Variants in NUP214 observed in about 807,000 individuals in gnomAD.
The protein encoded by NUP214 is nucleoporin 214.
In NUP214, 79 loss-of-function variants were observed where a neutral mutation model predicts 196.2. That is an observed-to-expected ratio of 0.40 (90% confidence interval 0.34 to 0.49). The LOEUF is 0.49. Ranked by LOEUF, NUP214 falls within the 20% of genes least tolerant of loss-of-function variation. NUP214 has a pLI of 0.58. For synonymous variants in NUP214, 1,020 were observed against 990.5 expected (o/e 1.03, Z -0.56); for missense variants, 2,468 against 2,539.0 (o/e 0.97, Z 0.60).
chr9:131,139,151 T>G, intron 9 of NUP214, 130 bp from the exon 10 acceptor site: 2 of 1,097,606 alleles, frequency 1.8e-6, no homozygotes, highest in Non-Finnish European at 2.4e-6. Flanking sequence ...AACACCTGAG[T>G]CTAAACCAAG....
Position 131,198,201 on chromosome 9 carries a change from A to G in NUP214, c.4707A>G (p.Pro1569=), listed in dbSNP as rs1395028079. The G allele has an allele frequency of 1.9e-6, 3 of 1,614,120 alleles. No individual in the cohort carries two copies. In the African/African-American group the frequency reaches 4.0e-5, roughly 22 times the overall value. ...TAGCACTTTCTGCAGAGGCTACCCCAGCCACCACGGGGGTCCCTGATGCCA... is the reference window on the plus strand; with the variant it reads ...TAGCACTTTCTGCAGAGGCTACCCCGGCCACCACGGGGGTCCCTGATGCCA... ...SLVALSAEAT[P]ATTGVPDART... is the part of the protein sequence containing the mutation. Residue 1569 remains proline (P), a synonymous_variant, in exon 29 of 36, where the codon CCA becomes CCG. Coordinates refer to ENST00000359428, the MANE Select transcript of NUP214 (RefSeq NM_005085.4).
In NUP214 at chr9:131,163,915, C is replaced by G; in HGVS notation, c.2769C>G (p.Thr923=). The G allele has an allele frequency of 6.2e-7, 1 of 1,614,128 alleles. No homozygotes were observed. The change falls in exon 20 of 36, where the codon ACC becomes ACG. Residue 923 remains threonine (T), a synonymous_variant. Transcript: ENST00000359428. The part of the protein sequence containing the change: ...LESLCNALLK[T]TIESHTKSLP... ...GCCTGTGCAATGCTTTGTTGAAAAC[C>G]ACCATAGAATCTCACACCAAATCCT...
chr9:131,217,161 A>G (rs1224249704), intron 31 of NUP214, among the ~76,000 whole-genome samples: 1 of 152,224 alleles, frequency 6.6e-6, no homozygotes, highest in Non-Finnish European at 1.5e-5. Flanking sequence ...CAGCCTGGGC[A>G]ACACAGCAAG....
intron 21 of NUP214, among the ~76,000 whole-genome samples, chr9:131,168,471 T>G (rs1400311787): frequency 2.6e-5 from 4 of 152,326 alleles, no homozygotes; most frequent in African/African-American, 2.4e-5. Context: ...TCTAGAACAT[T>G]TCCATCACTT....
chr9:131,195,212 T>G (rs767895455), intron 27 of NUP214, 21 bp from the exon 28 acceptor site: 1 of 1,586,414 alleles, frequency 6.3e-7, no homozygotes, highest in African/African-American at 1.4e-5. Context: ...CCTTTTTAAT[T>G]TCTCTTTTTC....
intron 30 of NUP214, 46 bp from the exon 31 acceptor site, chr9:131,215,166 G>A (rs765945260): frequency 1.7e-5 from 24 of 1,420,714 alleles, no homozygotes; most frequent in South Asian, 1.7e-5. Flanking sequence ...GCCATTTCAC[G>A]ATGACCTCTC....
At chr9:131,229,431 G>T in intron 33 of NUP214, 1 of 293,574 alleles carries the variant, frequency 3.4e-6, no homozygotes, top group South Asian at 2.8e-5. Flanking sequence ...GTTCTCTGCA[G>T]TGATGAACCA....
At position 131,174,286 on chromosome 9, in the gene NUP214, A is replaced by T; in HGVS notation, c.3125A>T (p.His1042Leu). 1 of 1,613,762 alleles carries T rather than the reference A, an allele frequency of 6.2e-7. No homozygotes were observed. The highest frequency in any genetic ancestry group is 8.5e-7 in the Non-Finnish European group (1 of 1,179,948). The change falls in exon 22 of 36, where the codon CAT becomes CTT. Residue 1042 changes from histidine to leucine, a missense_variant. By Grantham distance (99) the His-to-Leu change is moderately conservative. Around this residue, in one of 5 missense-constraint regions of NUP214, gnomAD observed 1,801 missense variants for 1,779.4 expected, o/e 1.01. Transcript: ENST00000359428. ...CCTTTTGCTAAATCTCACCTGGTTCATGGTTCTTCACCTGGTGTGATGGGA... is the reference window on the plus strand; with the variant it reads ...CCTTTTGCTAAATCTCACCTGGTTCTTGGTTCTTCACCTGGTGTGATGGGA... ...AAPFAKSHLVHGSSPGVMGTS... is the reference protein window; with the variant it reads ...AAPFAKSHLVLGSSPGVMGTS...
chr9:131,196,324 A>G (rs1269198426), intron 28 of NUP214, among the ~76,000 whole-genome samples: 3 of 151,474 alleles, frequency 2.0e-5, no homozygotes, highest in Non-Finnish European at 4.4e-5. Context: ...ACATCCAGCT[A>G]ATTTTTGTAT....
At chr9:131,133,722 T>A (rs886216224) in intron 7 of NUP214, 1 of 152,146 alleles carries the variant, frequency 6.6e-6, no homozygotes, top group Non-Finnish European at 1.5e-5. Context: ...TCTACTGTTA[T>A]GAGGTTAAAA....
intron 21 of NUP214, among the ~76,000 whole-genome samples, chr9:131,173,833 G>A (rs1240420731): frequency 1.3e-5 from 2 of 152,102 alleles, no homozygotes; most frequent in Admixed American, 6.6e-5. Context: ...ACAGCCCCAA[G>A]ATGTTCTCGT....
chr9:131,186,007 C>T (rs1833441424), intron 24 of NUP214, among the ~76,000 whole-genome samples: 1 of 152,172 alleles, frequency 6.6e-6, no homozygotes, highest in Admixed American at 6.5e-5. Context: ...TTTGAGAAAG[C>T]ATGAAAGAGT....
Position 131,198,976 on chromosome 9 carries a change from ACAG to A in NUP214, c.5488_5490del (p.Ala1830del). The A allele has an allele frequency of 6.2e-7, 1 of 1,611,718 alleles. No homozygotes were observed. The highest frequency in any genetic ancestry group is 1.1e-5 in the South Asian group (1 of 90,970). On this transcript the variant is annotated inframe_deletion, in exon 29 of 36. Coordinates refer to ENST00000359428, the MANE Select transcript of NUP214 (RefSeq NM_005085.4). ...TGGTGGTACCTCAGCTGCCACCACA[ACAG>A]CAGCAACCTCTGGGTTCAGCTTTTG... is the stretch of plus-strand genomic sequence containing the variant.
In NUP214 at chr9:131,159,310, T is replaced by G; in HGVS notation, c.2437-73T>G. 6 of 984,094 alleles carry G rather than the reference T, an allele frequency of 6.1e-6. No homozygotes were observed. The South Asian group carries it at 8.5e-5, about 14-fold the overall frequency. The allele number at this position is 984,094 out of a possible 1,614,324, so 61.0% of individuals were successfully genotyped here. The stretch of plus-strand genomic sequence containing the variant: ...ATATAGAAGTATTTTAGAATTCTTT[T>G]GACTGTTTTGATACATCTTCCCCCA... On this transcript the variant is annotated intron_variant, in intron 17 of 35. Coordinates refer to ENST00000359428, the MANE Select transcript of NUP214 (RefSeq NM_005085.4).
chr9:131,196,303 C>T (rs1489547859), intron 28 of NUP214, among the ~76,000 whole-genome samples: 6 of 151,846 alleles, frequency 4.0e-5, no homozygotes, highest in Non-Finnish European at 7.4e-5. Flanking sequence ...GGATTACAGG[C>T]GCCCACCACC....
intron 27 of NUP214, among the ~76,000 whole-genome samples, chr9:131,194,757 T>C (rs1833727002): frequency 6.6e-6 from 1 of 152,234 alleles, no homozygotes; most frequent in African/African-American, 2.4e-5. Flanking sequence ...TTGTTTTCCC[T>C]AGCAGTGTGG....
At chr9:131,196,025 T>TCCCTCCCCCCCCCCCCC in intron 28 of NUP214, among the ~76,000 whole-genome samples, 4 of 3,666 alleles carry the variant, frequency 1.1e-3, no homozygotes, top group Non-Finnish European at 2.5e-3. Context: ...ACTCTGTGTG[T>TCCCTCCCCCCCCCCCCC]CCCCCCCCCC....
chr9:131,141,205 C>G lies in NUP214; in HGVS notation c.1294+495C>G, dbSNP rs111835807. ...GAGAAAAAACATATACATAGAAAAA[C>G]AACTTGGAGATGGATTTAAAGTCTA... On this transcript the variant is annotated intron_variant, in intron 11 of 35. Coordinates refer to ENST00000359428, the MANE Select transcript of NUP214 (RefSeq NM_005085.4). 4.7e-5 allele frequency among the ~76,000 whole-genome samples: 7 copies of G among 149,606 alleles called. 1 individual carries two copies. Among genetic ancestry groups the G allele is most frequent in the African/African-American group, 1.5e-4 (6 of 40,748 alleles).
chr9:131,192,199 T>TTTA lies in NUP214; in HGVS notation c.3575-9_3575-8insTTA. On this transcript the variant is annotated splice_polypyrimidine_tract_variant and intron_variant, in intron 26 of 35. Transcript: ENST00000359428. ...TTTTTTTTTTTTTTTTTTTTTTCCATAATTTCAGGGACAGCCAAGATAGAA... is the reference window on the plus strand; with the variant it reads ...TTTTTTTTTTTTTTTTTTTTTTCCATTTAAATTTCAGGGACAGCCAAGATAGAA... 4.3e-6 allele frequency: 2 copies of TTTA among 461,898 alleles called. No individual in the cohort carries two copies. The highest frequency in any genetic ancestry group is 7.7e-6 in the Non-Finnish European group (2 of 258,920). 28.6% of individuals were successfully genotyped at this position (461,898 alleles called of 1,614,324 possible). A position where few individuals can be genotyped will look rare whatever the true frequency, so the allele number is the denominator to read the frequency against.
Sources: allele counts gnomAD v4.1 joint callset (sites outside exome capture counted in the v4.1 genomes callset), GRCh38; gene constraint gnomAD v4.1.1; regional missense constraint gnomAD v4.1.1; transcripts MANE v1.5; gene names NCBI Gene and HGNC (gene_info 2026-07-23, HGNC 2026-07-21).